METTL6: variants seen among roughly 807,000 people sequenced by gnomAD.
The protein encoded by METTL6 is tRNA N(3)-cytidine methyltransferase METTL6.
A neutral mutation model predicts 26.4 loss-of-function variants in METTL6; 22 were observed. The ratio of observed to expected loss-of-function variants is 0.83; its 90% confidence interval spans 0.59 to 1.19. METTL6 has a LOEUF of 1.19. METTL6 is among the 50% of genes most tolerant of loss of function. The probability of loss-of-function intolerance (pLI) is 0.00; values close to 1 mark genes in which losing one functional copy is unlikely to be tolerated. For synonymous variants in METTL6, 109 were observed against 116.2 expected (o/e 0.94, Z 0.40); for missense variants, 304 against 324.8 (o/e 0.94, Z 0.49).
At chr3:15,419,073 A>G (rs924080535) in intron 3 of METTL6, among the ~76,000 whole-genome samples, 1 of 152,092 alleles carries the variant, frequency 6.6e-6, no homozygotes, top group African/African-American at 2.4e-5. Flanking sequence ...GCTGAGGATC[A>G]CTTGAGTCCA....
At chr3:15,394,516 T>C (rs868166575) in intron 6 of METTL6, among the ~76,000 whole-genome samples, 6 of 152,212 alleles carry the variant, frequency 3.9e-5, no homozygotes, top group Non-Finnish European at 8.8e-5. Flanking sequence ...GCTCTGATCT[T>C]AGTTATTTCT....
intron 6 of METTL6, among the ~76,000 whole-genome samples, chr3:15,395,513 T>C (rs575483974): frequency 9.2e-5 from 14 of 152,272 alleles, no homozygotes; most frequent in Admixed American, 5.2e-4. Flanking sequence ...AAGGTTAATA[T>C]GGTTATGTGT....
intron 6 of METTL6, among the ~76,000 whole-genome samples, chr3:15,392,905 T>C (rs528171654): frequency 1.1e-4 from 16 of 152,328 alleles, no homozygotes; most frequent in South Asian, 8.3e-4. Context: ...TGTAGCCTTG[T>C]AGTATAGTTT....
chr3:15,418,645 C>T (rs755973701), intron 3 of METTL6, among the ~76,000 whole-genome samples: 22 of 152,112 alleles, frequency 1.4e-4, no homozygotes, highest in Non-Finnish European at 2.9e-4. Flanking sequence ...AATAATGACC[C>T]TAATTTTTCC....
At position 15,411,048 on chromosome 3, in the gene METTL6, A is replaced by G. The variant is rs1462834385; in HGVS notation, c.*208T>C. 1 of 484,944 alleles carries G rather than the reference A, an allele frequency of 2.1e-6. No homozygotes were observed. Among genetic ancestry groups the G allele is most frequent in the South Asian group, 2.7e-5 (1 of 36,582 alleles). The allele number at this position is 484,944 out of a possible 1,614,324, so 30.0% of individuals were successfully genotyped here. A position where few individuals can be genotyped will look rare whatever the true frequency, so the allele number is the denominator to read the frequency against. On this transcript the variant is annotated 3_prime_UTR_variant, in exon 6 of 6. Coordinates refer to ENST00000383790, the MANE Select transcript of METTL6 (RefSeq NM_152396.4). ...GCTGGGATTACAGGCACTCGCCACT[A>G]TGCCCAGCTAATTTTTTTGTATTTT...
At chr3:15,415,678 A>G in intron 4 of METTL6, 94 bp downstream of exon 4, 5 of 1,596,546 alleles carry the variant, frequency 3.1e-6, no homozygotes, top group Non-Finnish European at 4.3e-6. Context: ...TGGAGAGACT[A>G]TGTGAATCTA....
chr3:15,421,395 AC>A, intron 3 of METTL6, among the ~76,000 whole-genome samples: 1 of 152,288 alleles, frequency 6.6e-6, no homozygotes, highest in East Asian at 1.9e-4. Flanking sequence ...ATTGTGGATG[AC>A]TGTTCTTTGC....
At chr3:15,402,997 G>C (rs1209012352) in intron 6 of METTL6, among the ~76,000 whole-genome samples, 1 of 152,140 alleles carries the variant, frequency 6.6e-6, no homozygotes, top group Non-Finnish European at 1.5e-5. Flanking sequence ...TCAGCCTAAA[G>C]TTAGTTCAGG....
chr3:15,413,319 A>C (rs1017672030), intron 5 of METTL6, among the ~76,000 whole-genome samples: 2 of 152,212 alleles, frequency 1.3e-5, no homozygotes, highest in Non-Finnish European at 2.9e-5. Flanking sequence ...TAACACCTGT[A>C]ATCCCACCAC....
intron 3 of METTL6, among the ~76,000 whole-genome samples, chr3:15,421,487 G>A (rs2061610145): frequency 6.6e-6 from 1 of 152,122 alleles, no homozygotes; most frequent in African/African-American, 2.4e-5. Flanking sequence ...TTTTGAGATA[G>A]GGTCCTGCTT....
At chr3:15,416,072 A>T in intron 3 of METTL6, 130 bp from the exon 4 acceptor site, 2 of 750,556 alleles carry the variant, frequency 2.7e-6, no homozygotes, top group East Asian at 2.7e-5. Context: ...ACCAGATAAA[A>T]CTGATTAATA....
chr3:15,421,122 T>C (rs913030000), intron 3 of METTL6, among the ~76,000 whole-genome samples: 2 of 152,230 alleles, frequency 1.3e-5, no homozygotes, highest in Admixed American at 6.5e-5. Flanking sequence ...ATCTAGAAGA[T>C]GGTTTTAGAT....
chr3:15,409,150 G>A (rs772353289), downstream of METTL6, among the ~76,000 whole-genome samples: 1 of 152,180 alleles, frequency 6.6e-6, no homozygotes, highest in East Asian at 1.9e-4. Flanking sequence ...GAGCCCTGCT[G>A]CCTGCCCCTC....
chr3:15,388,228 A>G lies in METTL6; in HGVS notation c.*12-4041T>C, dbSNP rs201768272. On this transcript the variant is annotated intron_variant, in intron 6 of 6. Transcript: ENST00000443029. ...TGGGTTCAAGTGATTCTCCTGCCTC[A>G]GCCTACTGAGTAGCTGGGATTACAG... Among the ~76,000 whole-genome samples, 3 of 152,100 alleles carry G rather than the reference A, an allele frequency of 2.0e-5. No homozygotes were observed. In the East Asian group the frequency reaches 5.8e-4, roughly 29 times the overall value.
At chr3:15,395,566 T>C (rs4624546) in intron 6 of METTL6, among the ~76,000 whole-genome samples, 79,946 of 151,706 alleles carry the variant, frequency 0.53, 21,737 homozygotes, top group African/African-American at 0.66. Context: ...TTATTTTGCT[T>C]GTTAGTTGAT....
At chr3:15,391,913 G>C (rs929618647) in intron 6 of METTL6, among the ~76,000 whole-genome samples, 1 of 152,088 alleles carries the variant, frequency 6.6e-6, no homozygotes, top group Non-Finnish European at 1.5e-5. Context: ...GGACATTTGG[G>C]TTGGTTCCAA....
At chr3:15,401,638 C>T (rs1193921925) in intron 6 of METTL6, among the ~76,000 whole-genome samples, 1 of 151,796 alleles carries the variant, frequency 6.6e-6, no homozygotes, top group Non-Finnish European at 1.5e-5. Flanking sequence ...CCAAAACCCA[C>T]CAAAACCAAG....
chr3:15,388,642 G>A (rs1432127098), intron 6 of METTL6, among the ~76,000 whole-genome samples: 2 of 152,162 alleles, frequency 1.3e-5, no homozygotes, highest in East Asian at 1.9e-4. Flanking sequence ...CTGATCTTAG[G>A]AGCAGTTTAA....
intron 6 of METTL6, among the ~76,000 whole-genome samples, chr3:15,393,889 T>C (rs931673532): frequency 6.6e-6 from 1 of 152,236 alleles, no homozygotes; most frequent in Admixed American, 6.5e-5. Context: ...TGCTGCTGGA[T>C]TCAGTTTCCC....
Sources: allele counts gnomAD v4.1 joint callset (sites outside exome capture counted in the v4.1 genomes callset), GRCh38; gene constraint gnomAD v4.1.1; transcripts MANE v1.5; gene names NCBI Gene and HGNC (gene_info 2026-07-23, HGNC 2026-07-21).